The following NTM variants were observed in gnomAD, a reference collection of about 807,000 sequenced individuals.
NTM encodes the protein neurotrimin, also known as IgLON family member 2.
A neutral mutation model predicts 42.1 loss-of-function variants in NTM; 13 were observed. The observed-to-expected ratio is 0.31, with a 90% CI of 0.20 to 0.49. NTM has a LOEUF of 0.49. Ranked by LOEUF, NTM falls within the 20% of genes least tolerant of loss-of-function variation. The pLI is 0.99. For missense variants in NTM, 373 were observed against 452.8 expected (o/e 0.82, Z 1.60); for synonymous variants, 187 against 179.2 (o/e 1.04, Z -0.35).
intron 1 of NTM, among the ~76,000 whole-genome samples, chr11:131,691,608 C>T (rs1393267721): frequency 6.6e-6 from 1 of 151,748 alleles, no homozygotes; most frequent in East Asian, 1.9e-4. Context: ...TCTCCTCCTT[C>T]TCTTCCATGT....
At chr11:131,577,307 T>TG (rs1308878040) in intron 1 of NTM, among the ~76,000 whole-genome samples, 1 of 152,186 alleles carries the variant, frequency 6.6e-6, no homozygotes, top group Non-Finnish European at 1.5e-5. Flanking sequence ...AAGGATTCTT[T>TG]GGGGCATTTA....
intron 1 of NTM, among the ~76,000 whole-genome samples, chr11:131,844,776 C>T (rs1235130627): frequency 6.6e-6 from 1 of 152,078 alleles, no homozygotes; most frequent in Admixed American, 6.6e-5. Flanking sequence ...GTACAGTTCA[C>T]ATTTTAAAAT....
chr11:131,732,153 G>A (rs879330177), intron 1 of NTM, among the ~76,000 whole-genome samples: 19 of 152,128 alleles, frequency 1.2e-4, no homozygotes, highest in Admixed American at 3.9e-4. Flanking sequence ...ATAAGCTACA[G>A]CAAGTTCTTG....
At chr11:131,825,903 A>C (rs114064929) in intron 1 of NTM, among the ~76,000 whole-genome samples, 2 of 152,162 alleles carry the variant, frequency 1.3e-5, no homozygotes, top group Non-Finnish European at 2.9e-5. Context: ...GAAACAGCGA[A>C]TATGTTTTTG....
At chr11:131,788,943 C>G (rs1455620918) in intron 1 of NTM, among the ~76,000 whole-genome samples, 1 of 152,130 alleles carries the variant, frequency 6.6e-6, no homozygotes, top group Non-Finnish European at 1.5e-5. Context: ...CCTCACCCCT[C>G]CCTCCCTGCG....
chr11:131,971,764 A>G (rs1315983539), intron 2 of NTM, among the ~76,000 whole-genome samples: 1 of 151,758 alleles, frequency 6.6e-6, no homozygotes, highest in Non-Finnish European at 1.5e-5. Flanking sequence ...AAAAAAAATT[A>G]GCTGGGCGCA....
intron 1 of NTM, among the ~76,000 whole-genome samples, chr11:131,514,910 CATA>C (rs1393958288): frequency 1.3e-5 from 2 of 151,444 alleles, no homozygotes; most frequent in Admixed American, 1.3e-4. Context: ...TATATATACA[CATA>C]AAGAGAGAGG....
intron 1 of NTM, among the ~76,000 whole-genome samples, chr11:131,544,142 G>A (rs2136834001): frequency 6.6e-6 from 1 of 152,214 alleles, no homozygotes; most frequent in South Asian, 2.1e-4. Context: ...CAAGATTAGA[G>A]GACTAAAGAA....
intron 1 of NTM, among the ~76,000 whole-genome samples, chr11:131,608,628 G>GGGAACATGTCCAC (rs1565701950): frequency 6.6e-6 from 1 of 151,706 alleles, no homozygotes; most frequent in East Asian, 2.0e-4. Flanking sequence ...CCTTGCTCCT[G>GGGAACATGTCCAC]GGAACATGTC....
At chr11:131,668,598 C>G (rs926554334) in intron 1 of NTM, among the ~76,000 whole-genome samples, 7 of 152,188 alleles carry the variant, frequency 4.6e-5, no homozygotes, top group African/African-American at 1.4e-4. Flanking sequence ...CTTTCTTCCC[C>G]CTTCTAATCC....
chr11:131,859,021 A>G (rs1046041513), intron 1 of NTM, among the ~76,000 whole-genome samples: 2 of 152,128 alleles, frequency 1.3e-5, no homozygotes, highest in Non-Finnish European at 2.9e-5. Flanking sequence ...GTTTTGCCGC[A>G]CTTCAGCTCC....
At chr11:131,441,395 C>G (rs976112842) in intron 1 of NTM, among the ~76,000 whole-genome samples, 1 of 152,160 alleles carries the variant, frequency 6.6e-6, no homozygotes, top group Non-Finnish European at 1.5e-5. Context: ...TCTAGCACAA[C>G]AAGCTGTTTA....
intron 1 of NTM, among the ~76,000 whole-genome samples, chr11:131,772,933 T>G (rs189037675): frequency 9.9e-5 from 15 of 152,278 alleles, no homozygotes; most frequent in Middle Eastern, 3.4e-3. Context: ...GAGTAGACAT[T>G]TTTTAGACAG....
rs1238693872 is a variant in NTM at position 131,386,502 on chromosome 11, A to G, written c.82+15614A>G. ...AGAATAGACAAATGAAAATTAACAGAAGAGATAATCAGCTGTCTGTGGTGT... is the reference window on the plus strand; with the variant it reads ...AGAATAGACAAATGAAAATTAACAGGAGAGATAATCAGCTGTCTGTGGTGT... On this transcript the variant is annotated intron_variant, in intron 1 of 8. Transcript: ENST00000683400. 2.6e-5 allele frequency among the ~76,000 whole-genome samples: 4 copies of G among 152,366 alleles called. No individual in the cohort carries two copies. The East Asian group carries it at 7.7e-4, about 29-fold the overall frequency.
At chr11:131,900,369 G>A (rs190511876) in intron 1 of NTM, among the ~76,000 whole-genome samples, 12 of 152,338 alleles carry the variant, frequency 7.9e-5, no homozygotes, top group Non-Finnish European at 1.6e-4. Flanking sequence ...ACCACAGGAA[G>A]GATTTGGAGC....
intron 1 of NTM, among the ~76,000 whole-genome samples, chr11:131,716,197 T>C (rs2077673944): frequency 6.6e-6 from 1 of 152,176 alleles, no homozygotes. Context: ...CCTGGGCCTT[T>C]TTTATAAGAG....
intron 1 of NTM, among the ~76,000 whole-genome samples, chr11:131,669,626 C>CG (rs1162324125): frequency 2.4e-4 from 36 of 152,084 alleles, no homozygotes; most frequent in Non-Finnish European, 1.0e-4. Context: ...CCGAGGCTTC[C>CG]GGCTCCAGGC....
intron 1 of NTM, among the ~76,000 whole-genome samples, chr11:131,491,870 A>C (rs1954832684): frequency 1.3e-5 from 2 of 152,220 alleles, no homozygotes; most frequent in African/African-American, 4.8e-5. Flanking sequence ...GGACACAGGG[A>C]GAGCAATGCT....
intron 4 of NTM, among the ~76,000 whole-genome samples, chr11:132,280,753 T>A (rs2093946503): frequency 1.3e-5 from 2 of 152,152 alleles, no homozygotes; most frequent in Non-Finnish European, 2.9e-5. Context: ...CCCAAAGCGC[T>A]GGGATTACAG....
Sources: allele counts gnomAD v4.1 joint callset (sites outside exome capture counted in the v4.1 genomes callset), GRCh38; gene constraint gnomAD v4.1.1; transcripts MANE v1.5; gene names NCBI Gene and HGNC (gene_info 2026-07-23, HGNC 2026-07-21).